The following ENTREP2 variants were observed in gnomAD, a reference collection of about 807,000 sequenced individuals.
ENTREP2 encodes protein ENTREP2.
chr15:29,296,688 G>A, the ENTREP2 span, among the ~76,000 whole-genome samples: 1 of 152,120 alleles, frequency 6.6e-6, no homozygotes. Context: ...AGTAACAACT[G>A]GATTGGGATA....
the ENTREP2 span, among the ~76,000 whole-genome samples, chr15:29,323,527 C>G: frequency 6.6e-6 from 1 of 152,036 alleles, no homozygotes; most frequent in South Asian, 2.1e-4. Flanking sequence ...TTAAGTGTTT[C>G]CCTGAGTTCT....
the ENTREP2 span, among the ~76,000 whole-genome samples, chr15:29,333,965 C>T: frequency 5.7e-4 from 87 of 152,062 alleles, no homozygotes; most frequent in African/African-American, 2.0e-3. Flanking sequence ...AACGTCACGT[C>T]ACGGATTACC....
the ENTREP2 span, among the ~76,000 whole-genome samples, chr15:29,204,124 G>T: frequency 6.6e-6 from 1 of 152,128 alleles, no homozygotes; most frequent in African/African-American, 2.4e-5. Context: ...GGGTGTGCAG[G>T]CGGCTGACAG....
the ENTREP2 span, among the ~76,000 whole-genome samples, chr15:29,259,640 C>T: frequency 6.6e-6 from 1 of 152,112 alleles, no homozygotes; most frequent in Non-Finnish European, 1.5e-5. Flanking sequence ...CCACCCCCTA[C>T]ACCCTGCTCA....
the ENTREP2 span, among the ~76,000 whole-genome samples, chr15:29,129,847 G>A: frequency 3.3e-5 from 5 of 151,996 alleles, no homozygotes; most frequent in African/African-American, 1.2e-4. Flanking sequence ...TGTTGCATGA[G>A]CACCCCCATG....
the ENTREP2 span, among the ~76,000 whole-genome samples, chr15:29,133,047 C>G: frequency 6.6e-6 from 1 of 152,116 alleles, no homozygotes; most frequent in African/African-American, 2.4e-5. Context: ...CCATCTGCCG[C>G]CCTGCCCGGT....
the ENTREP2 span, among the ~76,000 whole-genome samples, chr15:29,567,318 T>A: frequency 6.6e-6 from 1 of 152,180 alleles, no homozygotes; most frequent in Non-Finnish European, 1.5e-5. Flanking sequence ...AATGGCTCCT[T>A]AAATTTCTCT....
chr15:29,313,696 T>C, the ENTREP2 span, among the ~76,000 whole-genome samples: 3 of 152,258 alleles, frequency 2.0e-5, no homozygotes, highest in African/African-American at 7.2e-5. Flanking sequence ...GTCATTTTTC[T>C]GCCAGCCAAT....
At chr15:29,392,228 C>T in the ENTREP2 span, among the ~76,000 whole-genome samples, 2 of 150,076 alleles carry the variant, frequency 1.3e-5, no homozygotes, top group Admixed American at 6.6e-5. Flanking sequence ...TCCCAAAGTG[C>T]AGGGATTACA....
At chr15:29,428,759 G>A in the ENTREP2 span, among the ~76,000 whole-genome samples, 3 of 152,246 alleles carry the variant, frequency 2.0e-5, no homozygotes, top group South Asian at 6.2e-4. Flanking sequence ...AAAAGTGAGA[G>A]TAATGAAAAT....
chr15:29,547,532 T>A, the ENTREP2 span, among the ~76,000 whole-genome samples: 1 of 152,192 alleles, frequency 6.6e-6, no homozygotes, highest in Non-Finnish European at 1.5e-5. Context: ...CAACAAGGTA[T>A]CACCTCACCC....
At chr15:29,574,329 C>T in the ENTREP2 span, among the ~76,000 whole-genome samples, 2 of 152,144 alleles carry the variant, frequency 1.3e-5, no homozygotes, top group Admixed American at 6.5e-5. Flanking sequence ...GAGTCTCAGT[C>T]TGTCATCAGG....
At chr15:29,550,694 C>T in the ENTREP2 span, among the ~76,000 whole-genome samples, 5 of 152,210 alleles carry the variant, frequency 3.3e-5, no homozygotes, top group Non-Finnish European at 5.9e-5. Flanking sequence ...TACAAAGACA[C>T]TCTAATTTAA....
At chr15:29,128,725 C>A in the ENTREP2 span, 2 of 1,218,140 alleles carry the variant, frequency 1.6e-6, no homozygotes, top group Non-Finnish European at 2.4e-6. Context: ...AGGACGAGGA[C>A]GAAAAAGAGA....
chr15:29,220,466 A>G, the ENTREP2 span, among the ~76,000 whole-genome samples: 1 of 152,180 alleles, frequency 6.6e-6, no homozygotes, highest in African/African-American at 2.4e-5. Flanking sequence ...TTCACTTTTC[A>G]TGCAATTAAA....
chr15:29,159,232 C>T, the ENTREP2 span, among the ~76,000 whole-genome samples: 1,389 of 151,740 alleles, frequency 9.2e-3, 20 homozygotes, highest in African/African-American at 0.031. Flanking sequence ...CCACAGACCT[C>T]CGCGGTGAGT....
At chr15:29,312,513 T>C in the ENTREP2 span, among the ~76,000 whole-genome samples, 1 of 152,222 alleles carries the variant, frequency 6.6e-6, no homozygotes, top group Non-Finnish European at 1.5e-5. Flanking sequence ...TCCAACATCA[T>C]GTGCTTACTT....
At chr15:29,558,358 G>A in the ENTREP2 span, among the ~76,000 whole-genome samples, 1 of 151,978 alleles carries the variant, frequency 6.6e-6, no homozygotes, top group Non-Finnish European at 1.5e-5. Flanking sequence ...CACCAGGTAG[G>A]ATGAGTGATG....
the ENTREP2 span, among the ~76,000 whole-genome samples, chr15:29,658,422 G>A: frequency 3.3e-5 from 5 of 152,070 alleles, no homozygotes; most frequent in African/African-American, 1.2e-4. Context: ...TATAGCAGAG[G>A]GATAATTGAC....
Sources: gnomAD v4.1 joint callset for allele counts (sites outside exome capture counted in the v4.1 genomes callset) on GRCh38, gnomAD v4.1.1 for gene constraint, MANE v1.5 for transcripts, NCBI Gene and HGNC (gene_info 2026-07-23, HGNC 2026-07-21) for gene names.